The following JMJD1C variants were observed in gnomAD, a reference collection of about 807,000 sequenced individuals.
JMJD1C encodes jumonji domain-containing protein 1C.
JMJD1C carries 31 observed loss-of-function variants against 245.3 expected under a neutral mutation model. The observed-to-expected ratio is 0.13, with a 90% CI of 0.09 to 0.17. JMJD1C has a LOEUF of 0.17. JMJD1C is among the 10% of genes least tolerant of loss of function. JMJD1C has a pLI of 1.00. For synonymous variants in JMJD1C, 1,057 were observed against 1,017.4 expected (o/e 1.04, Z -0.74); for missense variants, 2,691 against 3,000.2 (o/e 0.90, Z 2.41).
intron 1 of JMJD1C, among the ~76,000 whole-genome samples, chr10:63,446,536 T>C (rs1951729630): frequency 6.6e-6 from 1 of 152,154 alleles, no homozygotes; most frequent in African/African-American, 2.4e-5. Flanking sequence ...AGAGCGTAGC[T>C]AGAAAAGACG....
intron 3 of JMJD1C, among the ~76,000 whole-genome samples, chr10:63,252,689 A>G (rs1210189270): frequency 6.6e-6 from 1 of 152,220 alleles, no homozygotes; most frequent in South Asian, 2.1e-4. Context: ...CACTCTACTG[A>G]GAAACACTAC....
chr10:63,269,316 C>T, intron 2 of JMJD1C: 1 of 506,768 alleles, frequency 2.0e-6, no homozygotes, highest in Non-Finnish European at 2.5e-6. Flanking sequence ...GAGTCACTTC[C>T]AGCACGAGTC....
At chr10:63,169,392 A>C (rs1589034535) in intron 24 of JMJD1C, among the ~76,000 whole-genome samples, 1 of 152,226 alleles carries the variant, frequency 6.6e-6, no homozygotes, top group East Asian at 1.9e-4. Context: ...ATTGTCTTCT[A>C]GTGATATTAA....
At chr10:63,282,810 G>A (rs373256360) in intron 2 of JMJD1C, among the ~76,000 whole-genome samples, 3 of 151,980 alleles carry the variant, frequency 2.0e-5, no homozygotes, top group African/African-American at 4.8e-5. Context: ...GCCGCCTCCC[G>A]GGTTCAAGTG....
chr10:63,205,381 T>C (rs1227003572), intron 10 of JMJD1C, among the ~76,000 whole-genome samples: 2 of 152,304 alleles, frequency 1.3e-5, no homozygotes, highest in Admixed American at 6.5e-5. Context: ...TGGCCCTCCA[T>C]AACCGTGGGT....
intron 3 of JMJD1C, among the ~76,000 whole-genome samples, chr10:63,234,493 T>TAAAAAAAAAAAAAAAAAAAAA (rs71025129): frequency 5.4e-5 from 2 of 37,036 alleles, no homozygotes; most frequent in Admixed American, 3.9e-4. Flanking sequence ...AACCTCCTCT[T>TAAAAAAAAAAAAAAAAAAAAA]AAAAAAAAAA....
At chr10:63,511,864 T>C (rs909609985) in intron 1 of JMJD1C, among the ~76,000 whole-genome samples, 10 of 152,178 alleles carry the variant, frequency 6.6e-5, no homozygotes, top group South Asian at 2.1e-4. Flanking sequence ...CTGGAACCAA[T>C]TGCCCATGTA....
At chr10:63,317,016 T>C (rs534918029) in intron 2 of JMJD1C, among the ~76,000 whole-genome samples, 1 of 152,108 alleles carries the variant, frequency 6.6e-6, no homozygotes, top group South Asian at 2.1e-4. Flanking sequence ...CATGCCACTA[T>C]GGCTGGCTAA....
rs147399354 is a variant in JMJD1C, at chr10:63,331,816, C to T, written c.333+48502G>A. On this transcript the variant is annotated intron_variant, in intron 2 of 25. Coordinates refer to ENST00000399262, the MANE Select transcript of JMJD1C (RefSeq NM_032776.3). ...TGTATTTTTAGTAGAGATGGGGTTT[C>T]GCCATACTGGCCGGCCTGGTTTCAA... 6.0e-3 allele frequency among the ~76,000 whole-genome samples: 915 copies of T among 152,236 alleles called. 6 individuals carry two copies. The highest frequency in any genetic ancestry group is 0.017 in the Middle Eastern group (5 of 294).
chr10:63,189,740 A>T (rs1252673714), intron 17 of JMJD1C, among the ~76,000 whole-genome samples: 3 of 152,060 alleles, frequency 2.0e-5, no homozygotes, highest in African/African-American at 4.8e-5. Context: ...TAAAATTTTT[A>T]AATATTTTAT....
intron 3 of JMJD1C, among the ~76,000 whole-genome samples, chr10:63,252,264 CTAGGAAATG>C (rs1853195540): frequency 1.3e-5 from 2 of 152,144 alleles, no homozygotes; most frequent in East Asian, 3.9e-4. Flanking sequence ...GTCAACTTGA[CTAGGAAATG>C]TTGCCTAGTG....
chr10:63,497,326 A>G lies in JMJD1C; in HGVS notation n.113+24412T>C, dbSNP rs191518578. On this transcript the variant is annotated intron_variant and non_coding_transcript_variant, in intron 1 of 3. Transcript: ENST00000633035. ...AAAATGTTTATGTATACAATGGACTATTATTCAGTAATAAAATGAAGTACC... is the reference window on the plus strand; with the variant it reads ...AAAATGTTTATGTATACAATGGACTGTTATTCAGTAATAAAATGAAGTACC... 3.1e-3 allele frequency among the ~76,000 whole-genome samples: 478 copies of G among 152,370 alleles called. 7 individuals carry two copies. The highest frequency in any genetic ancestry group is 0.011 in the African/African-American group (467 of 41,592).
At chr10:63,434,182 C>T (rs975704354) in intron 1 of JMJD1C, among the ~76,000 whole-genome samples, 10 of 151,962 alleles carry the variant, frequency 6.6e-5, no homozygotes, top group African/African-American at 2.4e-4. Flanking sequence ...ATTTTAATAA[C>T]AAAAAGCTAA....
chr10:63,204,098 T>C (rs1846329320), intron 10 of JMJD1C: 1 of 917,404 alleles, frequency 1.1e-6, no homozygotes, highest in Non-Finnish European at 1.3e-6. Context: ...TGCACTCCAG[T>C]CTGGGCAATG....
At chr10:63,472,924 A>G (rs1953538426) in intron 1 of JMJD1C, among the ~76,000 whole-genome samples, 1 of 151,966 alleles carries the variant, frequency 6.6e-6, no homozygotes, top group East Asian at 1.9e-4. Flanking sequence ...AGGTGGGACT[A>G]CAGGCGAGCG....
intron 2 of JMJD1C, among the ~76,000 whole-genome samples, chr10:63,360,253 T>G (rs927413707): frequency 6.6e-6 from 1 of 152,022 alleles, no homozygotes; most frequent in Admixed American, 6.6e-5. Context: ...CACAGCTACT[T>G]GGGAGGCTGA....
chr10:63,430,416 G>C (rs1950678638), intron 1 of JMJD1C, among the ~76,000 whole-genome samples: 1 of 152,190 alleles, frequency 6.6e-6, no homozygotes, highest in Admixed American at 6.5e-5. Flanking sequence ...ATCTGATAAG[G>C]AAGTTGTCTT....
chr10:63,398,269 T>C (rs1035240514), intron 1 of JMJD1C, among the ~76,000 whole-genome samples: 1 of 152,164 alleles, frequency 6.6e-6, no homozygotes, highest in Non-Finnish European at 1.5e-5. Flanking sequence ...CACCCAACCA[T>C]ATATGACTCT....
At chr10:63,278,399 G>A (rs993418963) in intron 2 of JMJD1C, among the ~76,000 whole-genome samples, 4 of 151,594 alleles carry the variant, frequency 2.6e-5, no homozygotes, top group African/African-American at 9.7e-5. Flanking sequence ...GGTAGCGCAT[G>A]CCTGTAGTCC....
Sources: allele counts gnomAD v4.1 joint callset (sites outside exome capture counted in the v4.1 genomes callset), GRCh38; gene constraint gnomAD v4.1.1; transcripts MANE v1.5; gene names NCBI Gene and HGNC (gene_info 2026-07-23, HGNC 2026-07-21).